SCAPER: variants seen among roughly 807,000 people sequenced by gnomAD.
SCAPER encodes S phase cyclin A-associated protein in the endoplasmic reticulum.
SCAPER carries 98 observed loss-of-function variants against 182.2 expected under a neutral mutation model. The observed-to-expected ratio is 0.54, with a 90% CI of 0.46 to 0.64. SCAPER has a LOEUF of 0.64. Among genes scored for constraint, SCAPER ranks in the 30% least tolerant of loss-of-function variants. The pLI is 0.00. For synonymous variants in SCAPER, 605 were observed against 564.6 expected, an observed-to-expected ratio of 1.07 and a Z score of -1.01; for missense variants, 1,432 against 1,690.0, an observed-to-expected ratio of 0.85 and a Z score of 2.68.
In SCAPER at chr15:76,602,181, TTA is replaced by T. The variant is rs2049976747; in HGVS notation, c.2711+19581_2711+19582del. ...TGTTAAATTAACAATAAGAAAAATGTTATTTTATCTATGTTTATTCGTTCTTC... is the reference window on the plus strand; with the variant it reads ...TGTTAAATTAACAATAAGAAAAATGTTTTTATCTATGTTTATTCGTTCTTC... On this transcript the variant is annotated intron_variant, in intron 22 of 31. Coordinates refer to ENST00000563290, the MANE Select transcript of SCAPER (RefSeq NM_020843.4). Among the ~76,000 whole-genome samples, 2 of 110,998 alleles carry T rather than the reference TTA, an allele frequency of 1.8e-5. 1 individual carries two copies. The highest frequency in any genetic ancestry group is 4.5e-5 in the Non-Finnish European group (2 of 44,068). The allele number at this position is 110,998 out of a possible 152,430, so 72.8% of individuals were successfully genotyped here. A position where few individuals can be genotyped will look rare whatever the true frequency, so the allele number is the denominator to read the frequency against.
intron 5 of SCAPER, among the ~76,000 whole-genome samples, chr15:76,839,895 T>A (rs987170799): frequency 1.6e-4 from 25 of 152,194 alleles, no homozygotes; most frequent in African/African-American, 5.3e-4. Context: ...GTATATATAT[T>A]TTTAAGTAAA....
At chr15:76,456,778 G>A (rs2048769483) in intron 25 of SCAPER, among the ~76,000 whole-genome samples, 1 of 152,104 alleles carries the variant, frequency 6.6e-6, no homozygotes, top group African/African-American at 2.4e-5. Context: ...TTTGCTTCAT[G>A]TATTTTGTAG....
intron 22 of SCAPER, among the ~76,000 whole-genome samples, chr15:76,616,048 G>T (rs1206716219): frequency 6.6e-6 from 1 of 152,104 alleles, no homozygotes; most frequent in Non-Finnish European, 1.5e-5. Flanking sequence ...TATAGCTACT[G>T]TGGAAAACAG....
At chr15:76,793,454 G>C (rs1036967291) in intron 8 of SCAPER, 3 of 534,928 alleles carry the variant, frequency 5.6e-6, no homozygotes, top group Admixed American at 3.7e-5. Flanking sequence ...CAGCCTTCAG[G>C]GAGGGAGAAA....
chr15:76,648,687 A>G (rs2146490140), intron 21 of SCAPER, among the ~76,000 whole-genome samples: 1 of 152,374 alleles, frequency 6.6e-6, no homozygotes, highest in South Asian at 2.1e-4. Context: ...TTAATAAAAA[A>G]GCAGCCCCAA....
At chr15:76,768,470 G>A (rs1458873208) in intron 10 of SCAPER, among the ~76,000 whole-genome samples, 1 of 152,152 alleles carries the variant, frequency 6.6e-6, no homozygotes, top group Non-Finnish European at 1.5e-5. Flanking sequence ...TCATTTCTAT[G>A]AAATGTCTAA....
At chr15:76,844,360 C>T (rs2069818470) in intron 4 of SCAPER, among the ~76,000 whole-genome samples, 1 of 151,350 alleles carries the variant, frequency 6.6e-6, no homozygotes, top group African/African-American at 2.4e-5. Context: ...CTCATCGGCT[C>T]CCCTGAGAAT....
At chr15:76,448,752 C>T (rs187672210) in intron 25 of SCAPER, among the ~76,000 whole-genome samples, 93 of 152,216 alleles carry the variant, frequency 6.1e-4, no homozygotes, top group African/African-American at 2.2e-3. Flanking sequence ...AACTTAGAAT[C>T]TACTGGTGAT....
chr15:76,764,164 T>C (rs2062968131), intron 14 of SCAPER, among the ~76,000 whole-genome samples: 2 of 152,362 alleles, frequency 1.3e-5, no homozygotes, highest in East Asian at 1.9e-4. Context: ...GAGCATACTG[T>C]TGCACTAAGC....
chr15:76,485,714 G>A (rs997551628), intron 24 of SCAPER, among the ~76,000 whole-genome samples: 1 of 152,068 alleles, frequency 6.6e-6, no homozygotes, highest in Non-Finnish European at 1.5e-5. Context: ...AGAATAGAAA[G>A]CCCAGAAATA....
intron 5 of SCAPER, among the ~76,000 whole-genome samples, chr15:76,816,415 C>T (rs2067084929): frequency 6.6e-6 from 1 of 151,974 alleles, no homozygotes; most frequent in African/African-American, 2.4e-5. Context: ...ACACATTAGC[C>T]TAGGCCTACC....
chr15:76,402,949 T>C (rs2044567652), intron 27 of SCAPER, among the ~76,000 whole-genome samples: 1 of 152,106 alleles, frequency 6.6e-6, no homozygotes, highest in Non-Finnish European at 1.5e-5. Context: ...AATCTGCGTG[T>C]AAGTGACAGC....
rs142894142 is a variant in SCAPER at position 76,452,299 on chromosome 15, T to C, written c.3079-17989A>G. 4.6e-3 allele frequency among the ~76,000 whole-genome samples: 707 copies of C among 152,350 alleles called. 27 individuals are homozygous for C. The highest frequency in any genetic ancestry group is 0.04 in the Admixed American group (614 of 15,306). On this transcript the variant is annotated intron_variant, in intron 25 of 31. Coordinates refer to ENST00000563290, the MANE Select transcript of SCAPER (RefSeq NM_020843.4). ...TGGCCTTTGTGCCTTTCAGTTGTAGTAGTCTTTTCCCTGCAGCTATACTGT... is the reference window on the plus strand; with the variant it reads ...TGGCCTTTGTGCCTTTCAGTTGTAGCAGTCTTTTCCCTGCAGCTATACTGT...
chr15:76,411,692 T>G (rs564042893), intron 26 of SCAPER, among the ~76,000 whole-genome samples: 2 of 152,280 alleles, frequency 1.3e-5, no homozygotes, highest in Admixed American at 1.3e-4. Context: ...ATTTACAAAT[T>G]TATAGAGTTC....
At chr15:76,735,710 A>G (rs1179173474) in intron 15 of SCAPER, among the ~76,000 whole-genome samples, 1 of 151,794 alleles carries the variant, frequency 6.6e-6, no homozygotes, top group Admixed American at 6.6e-5. Context: ...AAAAAAAAAA[A>G]AAAGAAAGAA....
intron 1 of SCAPER, among the ~76,000 whole-genome samples, chr15:76,886,788 G>C (rs1235796775): frequency 1.3e-5 from 2 of 152,126 alleles, no homozygotes; most frequent in Non-Finnish European, 2.9e-5. Context: ...AAGAAAGTGT[G>C]GTACATATAC....
rs1376077912 is a variant in SCAPER at position 76,603,408 on chromosome 15, C to T, written c.2711+18356G>A. Reference sequence around the variant, plus strand: ...AGTATTCCATGGTGTATATGTGCCACGTTTTCTTAATCCAGTCTATGGTTC... The same window carrying T: ...AGTATTCCATGGTGTATATGTGCCATGTTTTCTTAATCCAGTCTATGGTTC... On this transcript the variant is annotated intron_variant, in intron 22 of 31. Coordinates refer to ENST00000563290, the MANE Select transcript of SCAPER (RefSeq NM_020843.4). Among the ~76,000 whole-genome samples the T allele has an allele frequency of 4.1e-5, 5 of 121,776 alleles. 2 individuals are homozygous for T. The highest frequency in any genetic ancestry group is 1.0e-4 in the Non-Finnish European group (5 of 50,128). 79.9% of individuals were successfully genotyped at this position (121,776 alleles called of 152,430 possible).
chr15:76,583,937 A>C (rs538176186), intron 22 of SCAPER, among the ~76,000 whole-genome samples: 49 of 152,346 alleles, frequency 3.2e-4, no homozygotes, highest in Non-Finnish European at 5.7e-4. Context: ...ACCCAAAAGA[A>C]AAATCAGTAT....
At chr15:76,766,711 G>C (rs1333416748) in intron 11 of SCAPER, among the ~76,000 whole-genome samples, 1 of 152,106 alleles carries the variant, frequency 6.6e-6, no homozygotes, top group Admixed American at 6.5e-5. Flanking sequence ...CATGAAAATA[G>C]TAATGGTAAA....
Sources: allele counts gnomAD v4.1 joint callset (sites outside exome capture counted in the v4.1 genomes callset), GRCh38; gene constraint gnomAD v4.1.1; transcripts MANE v1.5; gene names NCBI Gene and HGNC (gene_info 2026-07-23, HGNC 2026-07-21).